Variants in PHF20L1 observed in about 807,000 individuals in gnomAD.
PHF20L1 encodes the protein PHD finger protein 20 like 1, also known as PHD finger protein 20-like protein 1.
Under a neutral mutation model 125.5 loss-of-function variants are expected in PHF20L1, and 44 were observed. The observed-to-expected ratio is 0.35, with a 90% CI of 0.28 to 0.45. PHF20L1 has a LOEUF of 0.45. PHF20L1 is among the 20% of genes least tolerant of loss of function. The pLI, the probability that PHF20L1 is intolerant of heterozygous loss-of-function variation, is 1.00. For synonymous variants in PHF20L1, 380 were observed against 403.1 expected, an observed-to-expected ratio of 0.94 and a Z score of 0.69; for missense variants, 1,012 against 1,217.2, an observed-to-expected ratio of 0.83 and a Z score of 2.51.
chr8:132,827,326 G>A (rs145396952), intron 14 of PHF20L1, among the ~76,000 whole-genome samples: 27 of 152,136 alleles, frequency 1.8e-4, no homozygotes, highest in African/African-American at 6.3e-4. Context: ...AGAAGCTCAG[G>A]CTGCAAATAA....
At chr8:132,839,108 C>T (rs1350566433) in intron 17 of PHF20L1, 4 of 336,628 alleles carry the variant, frequency 1.2e-5, no homozygotes, top group African/African-American at 8.3e-5. Context: ...ATGATGACTA[C>T]AAAACATTGA....
At chr8:132,843,096 T>G in intron 19 of PHF20L1, 1 of 1,238,758 alleles carries the variant, frequency 8.1e-7, no homozygotes, top group Non-Finnish European at 1.0e-6. Flanking sequence ...TTCAATAAAC[T>G]GTTACTCTAA....
At chr8:132,804,549 T>TA (rs770691388) in intron 7 of PHF20L1, 66 bp from the exon 8 acceptor site, 4 of 1,304,240 alleles carry the variant, frequency 3.1e-6, no homozygotes, top group Admixed American at 4.1e-5. Flanking sequence ...ATTTTGCTGT[T>TA]AAAAAATCAT....
intron 14 of PHF20L1, among the ~76,000 whole-genome samples, chr8:132,829,390 T>G (rs1836527297): frequency 6.6e-6 from 1 of 152,194 alleles, no homozygotes; most frequent in Admixed American, 6.5e-5. Flanking sequence ...TAAATGGTAA[T>G]TGATAGTTTT....
intron 18 of PHF20L1, among the ~76,000 whole-genome samples, chr8:132,840,731 C>A (rs1837848492): frequency 6.6e-6 from 1 of 152,096 alleles, no homozygotes; most frequent in Non-Finnish European, 1.5e-5. Context: ...CTAGCAGATG[C>A]CTTTCATAAT....
At chr8:132,792,585 C>A (rs1191633709) in intron 2 of PHF20L1, among the ~76,000 whole-genome samples, 1 of 152,188 alleles carries the variant, frequency 6.6e-6, no homozygotes, top group African/African-American at 2.4e-5. Flanking sequence ...TTCTTTAAAG[C>A]GGCTTCTTAC....
intron 4 of PHF20L1, among the ~76,000 whole-genome samples, chr8:132,796,695 T>TA (rs1428826998): frequency 6.6e-6 from 1 of 152,042 alleles, no homozygotes; most frequent in Non-Finnish European, 1.5e-5. Flanking sequence ...CCTGTACACT[T>TA]ACACTTCTGT....
intron 2 of PHF20L1, among the ~76,000 whole-genome samples, chr8:132,793,082 A>G (rs1831952209): frequency 6.6e-6 from 1 of 150,582 alleles, no homozygotes; most frequent in Non-Finnish European, 1.5e-5. Context: ...TAATGAGATG[A>G]GTGCTGTCAG....
Position 132,844,266 on chromosome 8 carries a change from T to C in PHF20L1, c.2859T>C (p.Asn953=). 2.5e-6 allele frequency: 4 copies of C among 1,612,526 alleles called. No homozygotes were observed. Among genetic ancestry groups the C allele is most frequent in the Non-Finnish European group, 3.4e-6 (4 of 1,179,020 alleles). Residue 953 remains asparagine (N), a synonymous_variant, in exon 20 of 21, where the codon AAT becomes AAC. Coordinates refer to ENST00000395386, the MANE Select transcript of PHF20L1 (RefSeq NM_016018.5). ...WQLNLLTHIE[N]VQNEVTSRMD... ...TCAATCTCCTTACACACATAGAAAA[T>C]GTGCAGAACGAAGTTACCAGCAGGA...
rs1563849154 is a variant in PHF20L1 at position 132,836,543 on chromosome 8, T to C, written c.1913T>C (p.Leu638Ser). 6.3e-7 allele frequency: 1 copy of C among 1,596,872 alleles called. No homozygotes were observed. ...ILSVDLSGEN[L>S]SDVDFLDDSS... ...ATACTTTTTGTATATATTCTAGACT[T>C]ATCAGATGTAGACTTCCTAGATGAT... is the stretch of plus-strand genomic sequence containing the variant. The change falls in exon 16 of 21, where the codon TTA becomes TCA. Residue 638 changes from leucine (L) to serine (S), a missense_variant. By Grantham distance (145) the Leu-to-Ser change is moderately radical. Coordinates refer to ENST00000395386, the MANE Select transcript of PHF20L1 (RefSeq NM_016018.5).
chr8:132,833,261 A>C (rs188919331), intron 15 of PHF20L1, among the ~76,000 whole-genome samples: 4 of 152,082 alleles, frequency 2.6e-5, no homozygotes. Flanking sequence ...ATACTAGGTT[A>C]AATGTTTGCT....
At chr8:132,829,319 G>T (rs920576585) in intron 14 of PHF20L1, among the ~76,000 whole-genome samples, 1 of 152,070 alleles carries the variant, frequency 6.6e-6, no homozygotes, top group African/African-American at 2.4e-5. Context: ...AACACTTACA[G>T]CTAAGCGACC....
chr8:132,786,946 T>TAAA (rs1831109996), intron 2 of PHF20L1, among the ~76,000 whole-genome samples: 1 of 152,098 alleles, frequency 6.6e-6, no homozygotes, highest in Non-Finnish European at 1.5e-5. Context: ...AAATTAACTA[T>TAAA]CTGTAGTAAA....
At chr8:132,842,392 C>A in intron 18 of PHF20L1, 123 bp from the exon 19 acceptor site, 1 of 722,312 alleles carries the variant, frequency 1.4e-6, no homozygotes, top group Non-Finnish European at 2.1e-6. Context: ...TAAAGATTAC[C>A]TTTGCTTTTG....
chr8:132,794,753 A>C lies in PHF20L1; in HGVS notation c.276A>C (p.Glu92Asp). Residue 92 changes from glutamate (E) to aspartate (D), a missense_variant, in exon 4 of 21, where the codon GAA (glutamate) becomes GAC (aspartate). This residue lies in a region of PHF20L1 where 94 missense variants were observed against 179.5 expected (regional missense o/e 0.52). Transcript: ENST00000395386. ...EDFFDFKAGE[E>D]VLARWTDCRY... ...AATAGGATTTTAAAGCTGGAGAAGAAGTTCTGGCTCGTTGGACAGACTGTC... is the reference window on the plus strand; with the variant it reads ...AATAGGATTTTAAAGCTGGAGAAGACGTTCTGGCTCGTTGGACAGACTGTC... 2 of 1,612,630 alleles carry C rather than the reference A, an allele frequency of 1.2e-6. No homozygotes were observed. Among genetic ancestry groups the C allele is most frequent in the Admixed American group, 1.7e-5 (1 of 59,922 alleles).
intron 2 of PHF20L1, among the ~76,000 whole-genome samples, chr8:132,789,804 A>C (rs1831466123): frequency 6.6e-6 from 1 of 152,196 alleles, no homozygotes; most frequent in Non-Finnish European, 1.5e-5. Context: ...GGTATATTGC[A>C]GTAATATTTA....
chr8:132,822,295 C>T (rs1835693872), intron 12 of PHF20L1, among the ~76,000 whole-genome samples: 1 of 151,946 alleles, frequency 6.6e-6, no homozygotes, highest in Admixed American at 6.6e-5. Flanking sequence ...TTTTATTTGT[C>T]TTCCAAGTAC....
At chr8:132,792,461 C>T (rs567725176) in intron 2 of PHF20L1, among the ~76,000 whole-genome samples, 1 of 152,210 alleles carries the variant, frequency 6.6e-6, no homozygotes, top group South Asian at 2.1e-4. Flanking sequence ...GTTTTTATGC[C>T]TTTAACACAG....
intron 20 of PHF20L1, among the ~76,000 whole-genome samples, chr8:132,845,379 C>T (rs1297583962): frequency 7.2e-5 from 11 of 151,822 alleles, no homozygotes; most frequent in Non-Finnish European, 1.5e-4. Context: ...GTAGAGATGA[C>T]GAGTCTAAAT....
Sources: allele counts gnomAD v4.1 joint callset (sites outside exome capture counted in the v4.1 genomes callset), GRCh38; gene constraint gnomAD v4.1.1; regional missense constraint gnomAD v4.1.1; transcripts MANE v1.5; gene names NCBI Gene and HGNC (gene_info 2026-07-23, HGNC 2026-07-21).